RPS9: variants seen among roughly 807,000 people sequenced by gnomAD.
RPS9 encodes the protein ribosomal protein S9.
A neutral mutation model predicts 16.9 loss-of-function variants in RPS9; 1 was observed. The observed-to-expected ratio is 0.06, with a 90% CI of 0.02 to 0.28. The LOEUF (loss-of-function observed/expected upper bound fraction) is 0.28, where lower values mean the gene tolerates loss of function less well. RPS9 is among the 10% of genes least tolerant of loss of function. The pLI is 1.00. For missense variants in RPS9, 137 were observed against 273.2 expected (o/e 0.50, Z 3.51); for synonymous variants, 106 against 110.9 (o/e 0.96, Z 0.28).
intron 3 of RPS9, among the ~76,000 whole-genome samples, chr19:54,205,700 T>TCAA (rs1327501215): frequency 6.6e-6 from 1 of 152,192 alleles, no homozygotes; most frequent in Non-Finnish European, 1.5e-5. Flanking sequence ...TTACTCTTGC[T>TCAA]AAGAATGTGG....
chr19:54,201,054 G>A (rs2077025302), intron 1 of RPS9, 106 bp from the exon 2 acceptor site: 1 of 1,505,130 alleles, frequency 6.6e-7, no homozygotes, highest in African/African-American at 1.4e-5. Context: ...AGCGTTGGAG[G>A]TTATTCTCGC....
chr19:54,200,958 A>G (rs770634095), intron 1 of RPS9, 70 bp downstream of exon 1: 136 of 1,410,242 alleles, frequency 9.6e-5, no homozygotes, highest in Non-Finnish European at 1.2e-4. Context: ...CCGAGTTTCC[A>G]TGAGTAAGCT....
At position 54,201,259 on chromosome 19, in the gene RPS9, C is replaced by A. The variant is rs1263885420; in HGVS notation, c.75C>A (p.Leu25=). 6.2e-7 allele frequency: 1 copy of A among 1,613,196 alleles called. No individual in the cohort carries two copies. Among genetic ancestry groups the A allele is most frequent in the Non-Finnish European group, 8.5e-7 (1 of 1,179,440 alleles). ...GGAGACCCTTCGAGAAATCTCGTCT[C>A]GACCAAGAGCTGAAGCTGATCGGTG... The part of the protein sequence containing the change: ...TPRRPFEKSR[L]DQELKLIGEY... Residue 25 remains leucine, a synonymous_variant, in exon 2 of 5, where the codon CTC becomes CTA. Coordinates refer to ENST00000302907, the MANE Select transcript of RPS9 (RefSeq NM_001013.4).
chr19:54,202,355 T>A, intron 3 of RPS9: 1 of 876,728 alleles, frequency 1.1e-6, no homozygotes, highest in East Asian at 1.2e-4. Flanking sequence ...CTGGCTAATT[T>A]TCTATTATTA....
chr19:54,201,510 C>T lies in RPS9; in HGVS notation c.121C>T (p.Arg41Cys). 2 of 1,614,018 alleles carry T rather than the reference C, an allele frequency of 1.2e-6. No homozygotes were observed. Among genetic ancestry groups the T allele is most frequent in the Non-Finnish European group, 1.7e-6 (2 of 1,179,970 alleles). Reference protein sequence around the residue: ...LIGEYGLRNKREVWRVKFTLA... With the variant: ...LIGEYGLRNKCEVWRVKFTLA... ...AGGCGAGTATGGGCTCCGGAACAAA[C>T]GTGAGGTCTGGAGGGTCAAATTTAC... The change falls in exon 3 of 5, where the codon CGT (arginine) becomes TGT (cysteine). Residue 41 changes from arginine (R) to cysteine (C), a missense_variant. Physicochemically the swap from Arg to Cys is radical, Grantham distance 180. This residue lies in a region of RPS9 where 64 missense variants were observed against 164.0 expected (regional missense o/e 0.39). Transcript: ENST00000302907.
chr19:54,206,646 T>A lies in RPS9; in HGVS notation c.407+184T>A, dbSNP rs937125449. 3.2e-6 allele frequency: 5 copies of A among 1,550,204 alleles called. No individual in the cohort carries two copies. In the South Asian group the frequency reaches 5.9e-5, roughly 18 times the overall value. On this transcript the variant is annotated intron_variant, in intron 4 of 4. Transcript: ENST00000302907. ...GAGCTGGGGCAGCCTCTTGCCCCAA[T>A]AGCCCAGCGCAAGGGTCACTGCGGC...
At chr19:54,202,887 A>G (rs1250100454) in intron 3 of RPS9, 1 of 984,580 alleles carries the variant, frequency 1.0e-6, no homozygotes, top group Non-Finnish European at 1.2e-6. Flanking sequence ...AAATAGGCAC[A>G]GGATCTTGCA....
At chr19:54,206,964 T>TG in intron 4 of RPS9, 2 of 461,528 alleles carry the variant, frequency 4.3e-6, no homozygotes, top group Non-Finnish European at 7.8e-6. Context: ...ACTAACCCTG[T>TG]GAGCCGTAGG....
chr19:54,204,727 C>A (rs1001390596), intron 3 of RPS9, among the ~76,000 whole-genome samples: 1 of 152,154 alleles, frequency 6.6e-6, no homozygotes, highest in Non-Finnish European at 1.5e-5. Context: ...CTTAAGTTTC[C>A]ATTTTCTAAT....
chr19:54,201,021 TG>T, intron 1 of RPS9, 133 bp downstream of exon 1: 3 of 1,455,232 alleles, frequency 2.1e-6, no homozygotes, highest in South Asian at 1.4e-5. Flanking sequence ...AGCACGGTTG[TG>T]GGGGCAGATA....
chr19:54,202,970 TTA>T, intron 3 of RPS9: 1 of 965,278 alleles, frequency 1.0e-6, no homozygotes, highest in Middle Eastern at 5.3e-4. Flanking sequence ...AGTGCTGGGG[TTA>T]CAGGTGTAAG....
intron 3 of RPS9, among the ~76,000 whole-genome samples, chr19:54,203,618 C>A (rs117107587): frequency 6.6e-6 from 1 of 152,026 alleles, no homozygotes; most frequent in East Asian, 1.9e-4. Context: ...ACGAAAAATA[C>A]AAAAATTAGC....
Position 54,206,358 on chromosome 19 carries a change from G to A in RPS9, c.303G>A (p.Lys101=), listed in dbSNP as rs769433208. 6.2e-6 allele frequency: 10 copies of A among 1,614,234 alleles called. No individual in the cohort carries two copies. The South Asian group carries it at 1.1e-4, about 18-fold the overall frequency. The change falls in exon 4 of 5, where the codon AAG becomes AAA. Residue 101 remains lysine, a synonymous_variant. Coordinates refer to ENST00000302907, the MANE Select transcript of RPS9 (RefSeq NM_001013.4). ...AGCTGGATTACATCCTGGGCCTGAA[G>A]ATAGAGGATTTCTTAGAGAGACGCC... ...KMKLDYILGL[K]IEDFLERRLQ...
At chr19:54,202,796 G>T (rs756528623) in intron 3 of RPS9, 5 of 985,262 alleles carry the variant, frequency 5.1e-6, no homozygotes, top group Non-Finnish European at 3.6e-6. Flanking sequence ...CATGTTAGGC[G>T]TTGAGAAAGT....
chr19:54,202,761 A>T, intron 3 of RPS9: 1 of 985,410 alleles, frequency 1.0e-6, no homozygotes, highest in Non-Finnish European at 1.2e-6. Flanking sequence ...CTGAGCCCTG[A>T]CTGTTAGGCA....
chr19:54,201,440 G>A, intron 2 of RPS9, 47 bp from the exon 3 acceptor site: 1 of 1,612,420 alleles, frequency 6.2e-7, no homozygotes. Context: ...TCTAGTTGTT[G>A]TGCCAGTACG....
At chr19:54,204,317 A>G (rs1264894589) in intron 3 of RPS9, among the ~76,000 whole-genome samples, 2 of 152,220 alleles carry the variant, frequency 1.3e-5, no homozygotes, top group African/African-American at 4.8e-5. Flanking sequence ...GTGAGCCGAG[A>G]TCACGCCATT....
Position 54,207,549 on chromosome 19 carries a change from G to A in RPS9, c.559G>A (p.Ala187Thr). 6.2e-7 allele frequency: 1 copy of A among 1,611,710 alleles called. No individual in the cohort carries two copies. The highest frequency in any genetic ancestry group is 8.5e-7 in the Non-Finnish European group (1 of 1,179,632). Residue 187 changes from alanine to threonine, a missense_variant, in exon 5 of 5, where the codon GCT (alanine) becomes ACT (threonine). Around this residue, in one of 3 missense-constraint regions of RPS9, gnomAD observed 19 missense variants for 18.2 expected, o/e 1.04. Transcript: ENST00000302907. ...NAKKGQGGAG[A>T]GDDEEED ...CAAGAAGGGCCAGGGTGGGGCTGGG[G>A]CTGGAGACGACGAGGAGGAGGATTA...
chr19:54,202,384 C>T (rs912712983), intron 3 of RPS9: 1 of 973,348 alleles, frequency 1.0e-6, no homozygotes, highest in African/African-American at 1.8e-5. Context: ...GGGTTTTCAC[C>T]ATGTTGTCCA....
Sources: gnomAD v4.1 joint callset for allele counts (sites outside exome capture counted in the v4.1 genomes callset) on GRCh38, gnomAD v4.1.1 for gene constraint, gnomAD v4.1.1 regional missense constraint, MANE v1.5 for transcripts, NCBI Gene and HGNC (gene_info 2026-07-23, HGNC 2026-07-21) for gene names.